Variants in DPP6 observed in about 807,000 individuals in gnomAD.
DPP6 encodes A-type potassium channel modulatory protein DPP6.
Under a neutral mutation model 122.6 loss-of-function variants are expected in DPP6, and 69 were observed. That is an observed-to-expected ratio of 0.56 (90% CI 0.46 to 0.69). The LOEUF (loss-of-function observed/expected upper bound fraction) is 0.69, where lower values mean the gene tolerates loss of function less well. Among genes scored for constraint, DPP6 ranks in the 30% least tolerant of loss-of-function variants. The pLI, the probability that DPP6 is intolerant of heterozygous loss-of-function variation, is 0.00. For missense variants in DPP6, 928 were observed against 1,116.9 expected (o/e 0.83, Z 2.41); for synonymous variants, 418 against 433.1 (o/e 0.97, Z 0.43).
chr7:154,431,934 G>A (rs1818464370), intron 1 of DPP6, among the ~76,000 whole-genome samples: 1 of 152,134 alleles, frequency 6.6e-6, no homozygotes, highest in Non-Finnish European at 1.5e-5. Context: ...CTCAGCTCCT[G>A]GTAGCCCTGG....
intron 1 of DPP6, among the ~76,000 whole-genome samples, chr7:153,912,448 C>T (rs1466378542): frequency 2.0e-5 from 3 of 152,188 alleles, no homozygotes; most frequent in African/African-American, 7.2e-5. Flanking sequence ...GAATCCTCCC[C>T]AGCCTGGATC....
chr7:154,526,156 G>T (rs1048813174), intron 3 of DPP6, among the ~76,000 whole-genome samples: 2 of 152,142 alleles, frequency 1.3e-5, no homozygotes, highest in African/African-American at 2.4e-5. Flanking sequence ...TGACATTTGG[G>T]TTATGCTGGA....
intron 6 of DPP6, among the ~76,000 whole-genome samples, chr7:154,664,158 C>A (rs1445595448): frequency 4.7e-5 from 7 of 150,458 alleles, no homozygotes; most frequent in Non-Finnish European, 8.9e-5. Flanking sequence ...TTCATATAGT[C>A]ATGGTGAATC....
intron 2 of DPP6, among the ~76,000 whole-genome samples, chr7:154,465,071 T>C (rs530008439): frequency 2.0e-5 from 3 of 152,342 alleles, no homozygotes; most frequent in African/African-American, 7.2e-5. Flanking sequence ...TATCTCTCAC[T>C]CTCTTTCAAA....
chr7:154,560,357 ATAAAACC>A (rs1323341201), intron 4 of DPP6, among the ~76,000 whole-genome samples: 1 of 152,202 alleles, frequency 6.6e-6, no homozygotes, highest in Non-Finnish European at 1.5e-5. Flanking sequence ...ATATAAACAC[ATAAAACC>A]TTTGGAACAT....
rs187197013 is a variant in DPP6 at position 154,845,292 on chromosome 7, G to A, written c.1667-8488G>A. On this transcript the variant is annotated intron_variant, in intron 16 of 25. Transcript: ENST00000377770. ...ATGGGGTTGGAACACGGTCAGAGCA[G>A]CTATGGCTTTAAAATTGCAACTCAG... Among the ~76,000 whole-genome samples the A allele has an allele frequency of 1.4e-3, 213 of 152,324 alleles. 3 individuals carry two copies. The highest frequency in any genetic ancestry group is 1.3e-3 in the East Asian group (7 of 5,194).
At chr7:153,828,981 TG>T in the DPP6 span, among the ~76,000 whole-genome samples, 29 of 152,362 alleles carry the variant, frequency 1.9e-4, no homozygotes, top group Middle Eastern at 3.4e-3. Flanking sequence ...GACATTTTTT[TG>T]GGTTTCTTTC....
chr7:154,373,808 T>C (rs1247493283), intron 1 of DPP6, among the ~76,000 whole-genome samples: 1 of 152,136 alleles, frequency 6.6e-6, no homozygotes, highest in Non-Finnish European at 1.5e-5. Flanking sequence ...CCGCAGCCCC[T>C]GGCACCCACC....
At chr7:154,566,465 T>C (rs548826714) in intron 4 of DPP6, among the ~76,000 whole-genome samples, 108 of 152,094 alleles carry the variant, frequency 7.1e-4, no homozygotes, top group African/African-American at 2.4e-3. Context: ...ATTTTTTTTC[T>C]TTTTTAGTAG....
chr7:154,609,562 G>A (rs1250804984), intron 5 of DPP6, among the ~76,000 whole-genome samples: 1 of 152,068 alleles, frequency 6.6e-6, no homozygotes, highest in Non-Finnish European at 1.5e-5. Flanking sequence ...AGATCACTCT[G>A]TCTCTCTCAT....
At chr7:153,918,466 A>ACACACACTCT (rs1379555083) in intron 1 of DPP6, among the ~76,000 whole-genome samples, 3 of 95,950 alleles carry the variant, frequency 3.1e-5, no homozygotes, top group African/African-American at 1.2e-4. Context: ...ACACACACAC[A>ACACACACTCT]CTCTCTCTCT....
At chr7:154,632,569 A>C (rs888792743) in intron 5 of DPP6, among the ~76,000 whole-genome samples, 52 of 152,316 alleles carry the variant, frequency 3.4e-4, no homozygotes, top group African/African-American at 1.2e-3. Context: ...TGAAGAGTTT[A>C]TTCTGGAGCA....
intron 5 of DPP6, among the ~76,000 whole-genome samples, chr7:154,596,736 A>G (rs1437293702): frequency 1.3e-5 from 2 of 152,228 alleles, no homozygotes; most frequent in African/African-American, 4.8e-5. Context: ...TTATAAGAAT[A>G]ATGAGCCCTT....
rs549437639 is a variant in DPP6, at chr7:154,075,471, C to G, written c.243+22408C>G. ...TATATATACACCATGGAATACTACT[C>G]AGCCATAAGAAATGAATGAAATAAT... On this transcript the variant is annotated intron_variant, in intron 1 of 25. Transcript: ENST00000377770. Among the ~76,000 whole-genome samples, 92 of 152,228 alleles carry G rather than the reference C, an allele frequency of 6.0e-4. 1 individual carries two copies. In the South Asian group the frequency reaches 0.015, roughly 25 times the overall value.
chr7:154,796,467 T>C (rs1001765862), intron 12 of DPP6, among the ~76,000 whole-genome samples: 2 of 152,202 alleles, frequency 1.3e-5, no homozygotes, highest in African/African-American at 4.8e-5. Context: ...TCTGAGACAA[T>C]TTTTTCTAAA....
chr7:154,216,828 C>A (rs1166459238), intron 1 of DPP6, among the ~76,000 whole-genome samples: 11 of 84,228 alleles, frequency 1.3e-4, no homozygotes, highest in African/African-American at 4.2e-4. Flanking sequence ...TTTTGTGTTA[C>A]TGTTGTTTTT....
chr7:154,231,436 G>C (rs1248770736), intron 1 of DPP6, among the ~76,000 whole-genome samples: 2 of 152,168 alleles, frequency 1.3e-5, no homozygotes, highest in African/African-American at 4.8e-5. Flanking sequence ...TTCCTTCAGT[G>C]CATCAGGCAG....
chr7:154,493,155 G>A (rs754855330), intron 3 of DPP6, among the ~76,000 whole-genome samples: 2 of 152,208 alleles, frequency 1.3e-5, no homozygotes, highest in Non-Finnish European at 2.9e-5. Flanking sequence ...CCCCAAGGCT[G>A]CTGCAAGAGC....
chr7:154,502,466 C>G (rs1825333812), intron 3 of DPP6, among the ~76,000 whole-genome samples: 1 of 152,082 alleles, frequency 6.6e-6, no homozygotes, highest in Non-Finnish European at 1.5e-5. Context: ...GTGGGTCTTT[C>G]CTGCGCTGTT....
Sources: allele counts gnomAD v4.1 joint callset (sites outside exome capture counted in the v4.1 genomes callset), GRCh38; gene constraint gnomAD v4.1.1; transcripts MANE v1.5; gene names NCBI Gene and HGNC (gene_info 2026-07-23, HGNC 2026-07-21).